The following GFPT2 variants were observed in gnomAD, a reference collection of about 807,000 sequenced individuals.
The protein encoded by GFPT2 is glutamine--fructose-6-phosphate aminotransferase [isomerizing] 2.
GFPT2 carries 62 observed loss-of-function variants against 85.6 expected under a neutral mutation model. The observed-to-expected ratio is 0.72, with a 90% CI of 0.59 to 0.90. The LOEUF is 0.90. Among genes scored for constraint, GFPT2 ranks in the 40% least tolerant of loss-of-function variants. The probability of loss-of-function intolerance (pLI) is 0.00; values close to 1 mark genes in which losing one functional copy is unlikely to be tolerated. For missense variants in GFPT2, 788 were observed against 893.4 expected (o/e 0.88, Z 1.50); for synonymous variants, 368 against 344.5 (o/e 1.07, Z -0.75).
rs1475896255 is a variant in GFPT2 at position 180,304,758 on chromosome 5, T to C, written c.1842+14A>G. 1 of 1,608,144 alleles carries C rather than the reference T, an allele frequency of 6.2e-7. No individual in the cohort carries two copies. The highest frequency in any genetic ancestry group is 8.5e-7 in the Non-Finnish European group (1 of 1,176,268). ...GCAGGAGAGAGCTGGCCCAGTCCAG[T>C]GGAGAGCCCTCACCTGGCGGGCCGT... On this transcript the variant is annotated intron_variant, in intron 17 of 18. Coordinates refer to ENST00000253778, the MANE Select transcript of GFPT2 (RefSeq NM_005110.4).
Position 180,318,461 on chromosome 5 carries a change from C to T in GFPT2, c.958+332G>A, listed in dbSNP as rs79197169. Among the ~76,000 whole-genome samples the T allele has an allele frequency of 6.3e-4, 96 of 152,238 alleles. No individual in the cohort carries two copies. The East Asian group carries it at 0.016, about 26-fold the overall frequency. On this transcript the variant is annotated intron_variant, in intron 10 of 18. Transcript: ENST00000253778. This position sits in a 1 kb window ranked among gnomAD's most constrained non-coding sequence, Gnocchi z 4.2. ...ACCCCCACCCCCCATTTACTGCAGA[C>T]CTGCAGACTTCCACCCAGAGGAGAA...
Position 180,328,352 on chromosome 5 carries a change from A to G in GFPT2, c.535-14T>C. ...GAATGCACCTTCCTGAAAACACACA[A>G]ACAGTGAGGGTCAACGCGTTCCAGC... On this transcript the variant is annotated splice_polypyrimidine_tract_variant and intron_variant, in intron 6 of 18. Coordinates refer to ENST00000253778, the MANE Select transcript of GFPT2 (RefSeq NM_005110.4). The surrounding 1 kb of genome is among the most constrained non-coding windows in gnomAD (Gnocchi z 5.4). 2.5e-6 allele frequency: 4 copies of G among 1,607,182 alleles called. No homozygotes were observed. Among genetic ancestry groups the G allele is most frequent in the Non-Finnish European group, 3.4e-6 (4 of 1,173,968 alleles).
chr5:180,307,287 C>A lies in GFPT2; in HGVS notation c.1563G>T (p.Val521=). Residue 521 remains valine, a synonymous_variant, in exon 16 of 19, where the codon GTG becomes GTT. Transcript: ENST00000253778. ...LRSLPELIKE[V]LSLEEKIHDL... ...CGTGGATCTTCTCCTCCAGAGACAG[C>A]ACTTCCTTGATCAGCTCTGGGCCAT... 1 of 1,613,960 alleles carries A rather than the reference C, an allele frequency of 6.2e-7. No homozygotes were observed. The highest frequency in any genetic ancestry group is 1.1e-5 in the South Asian group (1 of 91,086).
chr5:180,315,181 CTT>C (rs536865519), intron 13 of GFPT2, among the ~76,000 whole-genome samples: 17 of 144,048 alleles, frequency 1.2e-4, no homozygotes, highest in Non-Finnish European at 1.1e-4. Context: ...TTTTCTTTTT[CTT>C]TTTTTTTTTT....
intron 1 of GFPT2, among the ~76,000 whole-genome samples, chr5:180,351,845 C>T (rs1353260860): frequency 1.3e-5 from 2 of 152,174 alleles, no homozygotes; most frequent in East Asian, 3.9e-4. Context: ...AGGGGAGCCT[C>T]TGGTGCTGTG....
intron 4 of GFPT2, among the ~76,000 whole-genome samples, chr5:180,333,480 C>T (rs896877847): frequency 1.3e-5 from 2 of 152,084 alleles, no homozygotes; most frequent in African/African-American, 2.4e-5. Context: ...ATGGTCCGCC[C>T]GCCTCGGCCT....
At position 180,318,562 on chromosome 5, in the gene GFPT2, T is replaced by A. The variant is rs969118309; in HGVS notation, c.958+231A>T. 17 of 538,288 alleles carry A rather than the reference T, an allele frequency of 3.2e-5. No individual in the cohort carries two copies. Among genetic ancestry groups the A allele is most frequent in the Middle Eastern group, 5.0e-4 (1 of 2,000 alleles). 33.3% of individuals were successfully genotyped at this position (538,288 alleles called of 1,614,324 possible). The stretch of plus-strand genomic sequence containing the variant: ...GCTGACACACTGGGCTCAGTTCCAG[T>A]AGGAAAGACCTGGCGGCTGGCTGCA... On this transcript the variant is annotated intron_variant, in intron 10 of 18. Transcript: ENST00000253778. The surrounding 1 kb of genome is among the most constrained non-coding windows in gnomAD (Gnocchi z 4.2).
At position 180,307,230 on chromosome 5, in the gene GFPT2, C is replaced by CGAT; in HGVS notation, c.1617_1619dup (p.Ser540dup). On this transcript the variant is annotated inframe_insertion, in exon 16 of 19. Transcript: ENST00000253778. ...TGTAGCCCCGCCCCATCACCAGCAG[C>CGAT]GATCTCTGCGTGTAGAGCTCCAGGG... 2 of 1,612,560 alleles carry CGAT rather than the reference C, an allele frequency of 1.2e-6. No individual in the cohort carries two copies. The highest frequency in any genetic ancestry group is 1.7e-6 in the Non-Finnish European group (2 of 1,179,330).
rs112824817 is a variant in GFPT2, at chr5:180,317,544, A to G, written c.959-486T>C. Among the ~76,000 whole-genome samples the G allele has an allele frequency of 7.1e-3, 1,030 of 145,274 alleles. 33 individuals are homozygous for G. Among genetic ancestry groups the G allele is most frequent in the African/African-American group, 0.012 (412 of 35,030 alleles). ...GGAGGCCGAGGCGGGCGGATCACGAAGTCAGGAGATCGAGACCATCCCGGC... is the reference window on the plus strand; with the variant it reads ...GGAGGCCGAGGCGGGCGGATCACGAGGTCAGGAGATCGAGACCATCCCGGC... On this transcript the variant is annotated intron_variant, in intron 10 of 18. Coordinates refer to ENST00000253778, the MANE Select transcript of GFPT2 (RefSeq NM_005110.4).
At chr5:180,335,158 C>T (rs1455249096) in intron 4 of GFPT2, among the ~76,000 whole-genome samples, 1 of 152,208 alleles carries the variant, frequency 6.6e-6, no homozygotes, top group East Asian at 1.9e-4. Flanking sequence ...GTTTCCAGAT[C>T]CTCCAGTTTT....
intron 4 of GFPT2, among the ~76,000 whole-genome samples, chr5:180,333,270 T>G (rs1764339077): frequency 1.3e-5 from 2 of 152,044 alleles, no homozygotes; most frequent in Admixed American, 1.3e-4. Context: ...AGTCTCACTC[T>G]GTCGCCCAGG....
chr5:180,350,947 T>A (rs1764699880), intron 1 of GFPT2, among the ~76,000 whole-genome samples: 1 of 152,236 alleles, frequency 6.6e-6, no homozygotes, highest in Non-Finnish European at 1.5e-5. Flanking sequence ...ACCCGAGGCC[T>A]GCTCAGACGC....
Position 180,334,609 on chromosome 5 carries a change from A to G in GFPT2, c.340+1219T>C, listed in dbSNP as rs59809226. 7.7e-3 allele frequency among the ~76,000 whole-genome samples: 1,173 copies of G among 152,346 alleles called. 16 individuals are homozygous for G. The highest frequency in any genetic ancestry group is 0.027 in the African/African-American group (1,113 of 41,566). ...CCTATCTAACATTAGGCTTGGCACG[A>G]ACTTACACTATGCCAGAGGATGTCT... On this transcript the variant is annotated intron_variant, in intron 4 of 18. Transcript: ENST00000253778.
chr5:180,310,189 G>T (rs1354921309), intron 15 of GFPT2, among the ~76,000 whole-genome samples: 1 of 151,866 alleles, frequency 6.6e-6, no homozygotes, highest in Non-Finnish European at 1.5e-5. Context: ...TGCAATCTCC[G>T]CCTCCTGGGT....
chr5:180,330,614 G>A lies in GFPT2; in HGVS notation c.534+86C>T. 9.1e-7 allele frequency: 1 copy of A among 1,103,570 alleles called. No individual in the cohort carries two copies. Among genetic ancestry groups the A allele is most frequent in the Non-Finnish European group, 1.3e-6 (1 of 742,016 alleles). 68.4% of individuals were successfully genotyped at this position (1,103,570 alleles called of 1,614,324 possible). A position where few individuals can be genotyped will look rare whatever the true frequency, so the allele number is the denominator to read the frequency against. On this transcript the variant is annotated intron_variant, in intron 6 of 18. Transcript: ENST00000253778. The surrounding 1 kb of genome is among the most constrained non-coding windows in gnomAD (Gnocchi z 4.4). Reference sequence around the variant, plus strand: ...CTAACAAGGGCTTATAAAAAATGAAGGATTCCTTGGCACTTGCTGCTTGAA... The same window carrying A: ...CTAACAAGGGCTTATAAAAAATGAAAGATTCCTTGGCACTTGCTGCTTGAA...
At position 180,313,852 on chromosome 5, in the gene GFPT2, G is replaced by C; in HGVS notation, c.1386C>G (p.Gly462=). The C allele has an allele frequency of 6.3e-7, 1 of 1,597,098 alleles. No homozygotes were observed. The highest frequency in any genetic ancestry group is 8.5e-7 in the Non-Finnish European group (1 of 1,175,036). ...GSSISRETDC[G]VHINAGPEIG... Reference sequence around the variant, plus strand: ...TCTCCGGCCCTGCGTTGATGTGGACGCCGCAGTCGGTCTCGCGAGAGATGG... The same window carrying C: ...TCTCCGGCCCTGCGTTGATGTGGACCCCGCAGTCGGTCTCGCGAGAGATGG... Residue 462 remains glycine, a synonymous_variant, in exon 14 of 19, where the codon GGC becomes GGG. Coordinates refer to ENST00000253778, the MANE Select transcript of GFPT2 (RefSeq NM_005110.4).
chr5:180,301,571 A>G lies in GFPT2; in HGVS notation c.2042T>C (p.Val681Ala), dbSNP rs1210185285. 6.2e-7 allele frequency: 1 copy of G among 1,613,102 alleles called. No homozygotes were observed. The highest frequency in any genetic ancestry group is 2.2e-5 in the East Asian group (1 of 44,890). ...CTTGTCACGGTCTCAGCCTCATTCCACAGTTACAGACTTGGCCAGATTTCT... is the reference window on the plus strand; with the variant it reads ...CTTGTCACGGTCTCAGCCTCATTCCGCAGTTACAGACTTGGCCAGATTTCT... ...FPRNLAKSVT[V>A]E The change falls in exon 19 of 19, where the codon GTG becomes GCG. Residue 681 changes from valine to alanine, a missense_variant. Physicochemically the swap from Val to Ala is moderately conservative, Grantham distance 64. Coordinates refer to ENST00000253778, the MANE Select transcript of GFPT2 (RefSeq NM_005110.4).
chr5:180,313,868 CGA>C lies in GFPT2; in HGVS notation c.1368_1369del (p.Glu458AspfsTer37), dbSNP rs1328948114. The stretch of plus-strand genomic sequence containing the variant: ...GATGTGGACGCCGCAGTCGGTCTCG[CGA>C]GAGATGGAGCTGCCCACGGTGTTGG... On this transcript the variant is annotated frameshift_variant, in exon 14 of 19. Coordinates refer to ENST00000253778, the MANE Select transcript of GFPT2 (RefSeq NM_005110.4). LOFTEE classifies it high-confidence loss of function. 6.2e-7 allele frequency: 1 copy of C among 1,604,310 alleles called. No individual in the cohort carries two copies. Among genetic ancestry groups the C allele is most frequent in the Admixed American group, 1.7e-5 (1 of 59,704 alleles).
At position 180,323,222 on chromosome 5, in the gene GFPT2, G is replaced by A. The variant is rs768336674; in HGVS notation, c.794+966C>T. Among the ~76,000 whole-genome samples, 3 of 152,060 alleles carry A rather than the reference G, an allele frequency of 2.0e-5. No individual in the cohort carries two copies. Among genetic ancestry groups the A allele is most frequent in the African/African-American group, 7.2e-5 (3 of 41,390 alleles). On this transcript the variant is annotated intron_variant, in intron 9 of 18. Coordinates refer to ENST00000253778, the MANE Select transcript of GFPT2 (RefSeq NM_005110.4). This position sits in a 1 kb window ranked among gnomAD's most constrained non-coding sequence, Gnocchi z 4.0. ...ATCACTGAAATAATACCAGCGTCTC[G>A]TTGGTATTCTCGGCGTGTTCTAAGG...
Sources: allele counts gnomAD v4.1 joint callset (sites outside exome capture counted in the v4.1 genomes callset), GRCh38; gene constraint gnomAD v4.1.1; non-coding constraint Gnocchi (gnomAD v3.1); transcripts MANE v1.5; gene names NCBI Gene and HGNC (gene_info 2026-07-23, HGNC 2026-07-21).